The following SORBS2 variants were observed in gnomAD, a reference collection of about 807,000 sequenced individuals.
SORBS2 encodes sorbin and SH3 domain-containing protein 2.
Under a neutral mutation model 97.7 loss-of-function variants are expected in SORBS2, and 46 were observed. The observed-to-expected ratio is 0.47, with a 90% CI of 0.37 to 0.60. The LOEUF (loss-of-function observed/expected upper bound fraction) is 0.60, where lower values mean the gene tolerates loss of function less well. Among genes scored for constraint, SORBS2 ranks in the 20% least tolerant of loss-of-function variants. The pLI, the probability that SORBS2 is intolerant of heterozygous loss-of-function variation, is 0.00. For missense variants in SORBS2, 1,316 were observed against 1,282.3 expected (o/e 1.03, Z -0.40); for synonymous variants, 476 against 473.4 (o/e 1.01, Z -0.07).
Position 185,945,763 on chromosome 4 carries a change from T to C in SORBS2, c.-338+10433A>G, listed in dbSNP as rs375532303. Reference sequence around the variant, plus strand: ...GGACAGATATCTGATCCATGCTGGCTAAGTGTGTGAGCAGGGGCTTGCTGT... The same window carrying C: ...GGACAGATATCTGATCCATGCTGGCCAAGTGTGTGAGCAGGGGCTTGCTGT... On this transcript the variant is annotated intron_variant, in intron 1 of 20. Coordinates refer to the SORBS2 transcript ENST00000284776. 4.6e-3 allele frequency among the ~76,000 whole-genome samples: 703 copies of C among 152,286 alleles called. 4 individuals carry two copies. The highest frequency in any genetic ancestry group is 0.016 in the African/African-American group (675 of 41,558).
At position 185,611,566 on chromosome 4, in the gene SORBS2, A is replaced by T. The variant is rs544522210; in HGVS notation, c.2796+214T>A. On this transcript the variant is annotated intron_variant, in intron 12 of 14. Coordinates refer to ENST00000418609, the Ensembl canonical transcript of SORBS2. Reference sequence around the variant, plus strand: ...GATATTTTAACTTGAAAATGAAATGAGCAAAATTAATCATTAAATCTTTAT... The same window carrying T: ...GATATTTTAACTTGAAAATGAAATGTGCAAAATTAATCATTAAATCTTTAT... 4.6e-5 allele frequency among the ~76,000 whole-genome samples: 7 copies of T among 152,322 alleles called. No homozygotes were observed. The East Asian group carries it at 1.2e-3, about 25-fold the overall frequency.
At chr4:185,601,950 C>T (rs1209158198) in intron 12 of SORBS2, among the ~76,000 whole-genome samples, 1 of 152,214 alleles carries the variant, frequency 6.6e-6, no homozygotes, top group East Asian at 1.9e-4. Flanking sequence ...CCACATGCGG[C>T]AAGTCTCTTG....
At chr4:185,624,796 C>A (rs558843712) in intron 6 of SORBS2, among the ~76,000 whole-genome samples, 4 of 152,312 alleles carry the variant, frequency 2.6e-5, no homozygotes, top group African/African-American at 9.6e-5. Flanking sequence ...AATTCATACA[C>A]CTTTCTGACA....
rs549355989 is a variant in SORBS2 at position 185,949,428 on chromosome 4, CATAG to C, written c.-338+6764_-338+6767del. Among the ~76,000 whole-genome samples the C allele has an allele frequency of 4.6e-3, 697 of 152,084 alleles. 3 individuals carry two copies. The highest frequency in any genetic ancestry group is 6.9e-3 in the Non-Finnish European group (472 of 67,998). ...TATTTAAACCTCAAGTAAAATGCAACATAGATAGATATCATCCCACTTCATTCAC... is the reference window on the plus strand; with the variant it reads ...TATTTAAACCTCAAGTAAAATGCAACATAGATATCATCCCACTTCATTCAC... On this transcript the variant is annotated intron_variant, in intron 1 of 20. Coordinates refer to the SORBS2 transcript ENST00000284776.
intron 2 of SORBS2, among the ~76,000 whole-genome samples, chr4:185,724,686 G>A (rs541415580): frequency 2.9e-4 from 44 of 152,126 alleles, no homozygotes; most frequent in African/African-American, 8.9e-4. Context: ...TTTCACTCTC[G>A]TCTTCGGCCA....
chr4:185,691,822 G>T (rs1292369282), intron 2 of SORBS2, among the ~76,000 whole-genome samples: 1 of 152,022 alleles, frequency 6.6e-6, no homozygotes, highest in African/African-American at 2.4e-5. Context: ...TCGGCTCACT[G>T]CAAGCTCTGC....
rs73873366 is a variant in SORBS2, at chr4:185,761,006, G to A, written c.-198+14221C>T. ...CCAAACATAAGATTTAATTCATTCAGACACACATATACTTGTGTTAGTCTA... is the reference window on the plus strand; with the variant it reads ...CCAAACATAAGATTTAATTCATTCAAACACACATATACTTGTGTTAGTCTA... On this transcript the variant is annotated intron_variant, in intron 2 of 20. Transcript: ENST00000284776. Among the ~76,000 whole-genome samples, 919 of 152,238 alleles carry A rather than the reference G, an allele frequency of 6.0e-3. 16 individuals carry two copies. The highest frequency in any genetic ancestry group is 0.021 in the African/African-American group (876 of 41,536).
chr4:185,590,229 T>C (rs990066093), intron 13 of SORBS2, among the ~76,000 whole-genome samples: 1 of 152,212 alleles, frequency 6.6e-6, no homozygotes, highest in African/African-American at 2.4e-5. Flanking sequence ...TAGCTAGCCA[T>C]AATCAGAAGC....
At chr4:185,622,986 T>C in exon 7 of SORBS2, 1 of 1,614,114 alleles carries the variant, frequency 6.2e-7, no homozygotes, top group Admixed American at 1.7e-5. Flanking sequence ...AAAGAGGCAC[T>C]GCGGGGCATT....
chr4:185,801,008 T>G (rs898894454), intron 1 of SORBS2, among the ~76,000 whole-genome samples: 3 of 152,208 alleles, frequency 2.0e-5, no homozygotes, highest in Admixed American at 1.3e-4. Context: ...TTATTTGTCC[T>G]ATAACTGAAA....
chr4:185,603,908 T>C (rs1422641829), intron 12 of SORBS2, among the ~76,000 whole-genome samples: 1 of 152,186 alleles, frequency 6.6e-6, no homozygotes, highest in African/African-American at 2.4e-5. Flanking sequence ...TTTACGTCAC[T>C]TTTGTGGAAG....
chr4:185,899,903 C>T (rs967450316), intron 1 of SORBS2, among the ~76,000 whole-genome samples: 6 of 152,078 alleles, frequency 3.9e-5, no homozygotes, highest in African/African-American at 1.4e-4. Flanking sequence ...AGGCTGTGGC[C>T]ACAGCCTGGA....
chr4:185,908,952 T>G (rs532242630), intron 1 of SORBS2, among the ~76,000 whole-genome samples: 1 of 151,766 alleles, frequency 6.6e-6, no homozygotes, highest in South Asian at 2.1e-4. Flanking sequence ...TGTATATTTA[T>G]ATAAATTCAA....
intron 4 of SORBS2, among the ~76,000 whole-genome samples, chr4:185,634,871 T>C (rs2096968333): frequency 6.6e-6 from 1 of 152,176 alleles, no homozygotes; most frequent in South Asian, 2.1e-4. Context: ...GCCAGCCCTA[T>C]TCTTGACTGA....
At chr4:185,753,886 T>C (rs1216047305) in intron 2 of SORBS2, among the ~76,000 whole-genome samples, 1 of 152,182 alleles carries the variant, frequency 6.6e-6, no homozygotes, top group Non-Finnish European at 1.5e-5. Flanking sequence ...GTGGAAAGCA[T>C]TTGGTGATTT....
chr4:185,630,473 T>TGA (rs2096889163), intron 5 of SORBS2, 76 bp downstream of exon 17: 1 of 892,248 alleles, frequency 1.1e-6, no homozygotes, highest in African/African-American at 1.7e-5. Flanking sequence ...TCATTACTAC[T>TGA]TCACTGAATA....
At chr4:185,888,116 A>C (rs1444845527) in intron 1 of SORBS2, among the ~76,000 whole-genome samples, 1 of 151,102 alleles carries the variant, frequency 6.6e-6, no homozygotes, top group African/African-American at 2.5e-5. Flanking sequence ...GCCTGTCCCA[A>C]TTTATTTATT....
intron 2 of SORBS2, 30 bp from the exon 4 acceptor site, chr4:185,690,641 C>A: frequency 2.1e-6 from 2 of 972,146 alleles, no homozygotes; most frequent in South Asian, 3.5e-5. Context: ...CATAATTGTT[C>A]ACTAGCATGT....
intron 2 of SORBS2, among the ~76,000 whole-genome samples, chr4:185,738,513 TCATAAAAAAA>T (rs1457028861): frequency 6.6e-6 from 1 of 152,220 alleles, no homozygotes; most frequent in Non-Finnish European, 1.5e-5. Flanking sequence ...GCCAAGTATT[TCATAAAAAAA>T]CTATTTTCTT....
Sources: gnomAD v4.1 joint callset for allele counts (sites outside exome capture counted in the v4.1 genomes callset) on GRCh38, gnomAD v4.1.1 for gene constraint, MANE v1.5 for transcripts, NCBI Gene and HGNC (gene_info 2026-07-23, HGNC 2026-07-21) for gene names.